The following HS3ST5 variants were observed in gnomAD, a reference collection of about 807,000 sequenced individuals.
HS3ST5 encodes the protein heparan sulfate-glucosamine 3-sulfotransferase 5, also known as heparan sulfate glucosamine 3-O-sulfotransferase 5.
A neutral mutation model predicts 25.4 loss-of-function variants in HS3ST5; 10 were observed. That is an observed-to-expected ratio of 0.39 (90% confidence interval 0.24 to 0.67). The LOEUF is 0.67. HS3ST5 is among the 30% of genes least tolerant of loss of function. The pLI, the probability that HS3ST5 is intolerant of heterozygous loss-of-function variation, is 0.44. For synonymous variants in HS3ST5, 170 were observed against 162.4 expected (o/e 1.05, Z -0.36); for missense variants, 324 against 420.7 (o/e 0.77, Z 2.01).
chr6:114,217,754 A>C lies in HS3ST5; in HGVS notation c.-145+10831T>G, dbSNP rs556347274. ...CAAGGTCACGCAGCTAGTAAGTAGC[A>C]GAAGTGGGGACTTGAATTTAGGCCA... On this transcript the variant is annotated intron_variant, in intron 2 of 4. Transcript: ENST00000312719. 2.2e-4 allele frequency among the ~76,000 whole-genome samples: 34 copies of C among 152,344 alleles called. 1 individual carries two copies. In the East Asian group the frequency reaches 6.6e-3, roughly 29 times the overall value.
chr6:114,284,830 C>A (rs1019820940), intron 1 of HS3ST5, among the ~76,000 whole-genome samples: 1 of 151,680 alleles, frequency 6.6e-6, no homozygotes, highest in Non-Finnish European at 1.5e-5. Context: ...TAGAACAGTA[C>A]TAAATCTGAG....
chr6:114,235,548 G>C (rs1771816195), intron 1 of HS3ST5: 1 of 152,160 alleles, frequency 6.6e-6, no homozygotes, highest in Non-Finnish European at 1.5e-5. Context: ...AATATGATTA[G>C]AGAAGCTAAA....
chr6:114,254,815 C>A (rs989215602), intron 1 of HS3ST5, among the ~76,000 whole-genome samples: 1 of 152,098 alleles, frequency 6.6e-6, no homozygotes, highest in African/African-American at 2.4e-5. Flanking sequence ...GAAATTGCTG[C>A]CATGATTCAA....
intron 1 of HS3ST5, among the ~76,000 whole-genome samples, chr6:114,341,169 A>AGGGAGG (rs1485670527): frequency 2.1e-5 from 1 of 47,816 alleles, no homozygotes; most frequent in Non-Finnish European, 3.9e-5. Flanking sequence ...GAGGGGAGGG[A>AGGGAGG]GGGAGGGAGA....
At chr6:114,181,397 A>G (rs137988983) in intron 2 of HS3ST5, among the ~76,000 whole-genome samples, 21 of 152,374 alleles carry the variant, frequency 1.4e-4, no homozygotes, top group South Asian at 1.0e-3. Flanking sequence ...CATTACATCT[A>G]TATGTTATTT....
intron 1 of HS3ST5, chr6:114,282,118 G>A (rs1413608986): frequency 6.6e-6 from 1 of 151,954 alleles, no homozygotes; most frequent in Non-Finnish European, 1.5e-5. Context: ...TATAATAAAT[G>A]TATATAATAT....
chr6:114,272,185 T>G (rs994817380), intron 1 of HS3ST5, among the ~76,000 whole-genome samples: 2 of 152,152 alleles, frequency 1.3e-5, no homozygotes, highest in Non-Finnish European at 2.9e-5. Flanking sequence ...CATTTTCCTA[T>G]GTCTTTACAT....
intron 3 of HS3ST5, among the ~76,000 whole-genome samples, chr6:114,066,204 A>G (rs1773438281): frequency 6.6e-6 from 1 of 152,220 alleles, no homozygotes; most frequent in East Asian, 1.9e-4. Context: ...ACTCAGAAGC[A>G]CTAGAAAGCT....
chr6:114,268,746 T>C (rs936211943), intron 1 of HS3ST5, among the ~76,000 whole-genome samples: 1 of 152,204 alleles, frequency 6.6e-6, no homozygotes, highest in East Asian at 1.9e-4. Flanking sequence ...TAACTCAAAG[T>C]AGGTGAGAGA....
chr6:114,148,236 A>C (rs748860954), intron 3 of HS3ST5, among the ~76,000 whole-genome samples: 12 of 152,212 alleles, frequency 7.9e-5, no homozygotes, highest in Admixed American at 1.3e-4. Context: ...CCATATGCAG[A>C]AAAGTGAAAC....
chr6:114,169,159 A>T (rs1779351957), intron 2 of HS3ST5, among the ~76,000 whole-genome samples: 1 of 152,192 alleles, frequency 6.6e-6, no homozygotes, highest in African/African-American at 2.4e-5. Flanking sequence ...ATCTAAACAG[A>T]TTGTAGGACC....
intron 3 of HS3ST5, among the ~76,000 whole-genome samples, chr6:114,066,650 T>TA (rs201096727): frequency 0.011 from 1,609 of 151,734 alleles, 28 homozygotes; most frequent in African/African-American, 0.037. Flanking sequence ...AAAACAAAAA[T>TA]AAAAAAAACA....
intron 2 of HS3ST5, among the ~76,000 whole-genome samples, chr6:114,180,193 T>A (rs1040626997): frequency 2.0e-5 from 3 of 152,060 alleles, no homozygotes; most frequent in African/African-American, 7.2e-5. Context: ...TTCAATCCAA[T>A]CAAGTTGACA....
At chr6:114,277,497 C>A (rs929911031) in intron 1 of HS3ST5, among the ~76,000 whole-genome samples, 1 of 149,044 alleles carries the variant, frequency 6.7e-6, no homozygotes, top group African/African-American at 2.4e-5. Context: ...AGAAGTTATA[C>A]AGACAGTAAC....
At chr6:114,294,691 C>A (rs1400012649) in intron 1 of HS3ST5, among the ~76,000 whole-genome samples, 2 of 152,066 alleles carry the variant, frequency 1.3e-5, no homozygotes, top group Non-Finnish European at 2.9e-5. Flanking sequence ...CCTCGGCCTC[C>A]CAAAGTGCTG....
chr6:114,244,268 C>T (rs1772279871), intron 1 of HS3ST5, among the ~76,000 whole-genome samples: 1 of 152,078 alleles, frequency 6.6e-6, no homozygotes, highest in African/African-American at 2.4e-5. Flanking sequence ...TGGATCGCAG[C>T]TTTATGGTAA....
chr6:114,328,646 A>G (rs1776268931), intron 1 of HS3ST5, among the ~76,000 whole-genome samples: 1 of 152,258 alleles, frequency 6.6e-6, no homozygotes, highest in Admixed American at 6.5e-5. Context: ...CTGTGTTAGC[A>G]AAGTCACCTC....
intron 1 of HS3ST5, among the ~76,000 whole-genome samples, chr6:114,306,700 T>C (rs1316787760): frequency 1.3e-5 from 2 of 152,172 alleles, no homozygotes; most frequent in Non-Finnish European, 2.9e-5. Context: ...ATGTGAAAGA[T>C]ACTATTTGAG....
At chr6:114,135,532 C>G (rs1188039052) in intron 3 of HS3ST5, among the ~76,000 whole-genome samples, 1 of 152,186 alleles carries the variant, frequency 6.6e-6, no homozygotes, top group Non-Finnish European at 1.5e-5. Context: ...CGGGTGCCAG[C>G]ACAGCTGACC....
Sources: allele counts gnomAD v4.1 joint callset (sites outside exome capture counted in the v4.1 genomes callset), GRCh38; gene constraint gnomAD v4.1.1; transcripts MANE v1.5; gene names NCBI Gene and HGNC (gene_info 2026-07-23, HGNC 2026-07-21).